CDH8: variants seen among roughly 807,000 people sequenced by gnomAD.
The protein encoded by CDH8 is cadherin 8, also known as cadherin-8.
Under a neutral mutation model 68.1 loss-of-function variants are expected in CDH8, and 17 were observed. The observed-to-expected ratio is 0.25, with a 90% CI of 0.17 to 0.37. The LOEUF (loss-of-function observed/expected upper bound fraction) is 0.37. Ranked by LOEUF, CDH8 falls within the 10% of genes least tolerant of loss-of-function variation. CDH8 has a pLI of 1.00. For missense variants in CDH8, 763 were observed against 999.3 expected (o/e 0.76, Z 3.19); for synonymous variants, 372 against 365.1 (o/e 1.02, Z -0.21).
At chr16:62,028,224 C>T (rs1902241717) in intron 1 of CDH8, among the ~76,000 whole-genome samples, 1 of 151,804 alleles carries the variant, frequency 6.6e-6, no homozygotes, top group Non-Finnish European at 1.5e-5. Flanking sequence ...GCCACAATGC[C>T]CGGCTAATTT....
rs576602218 is a variant in CDH8 at position 61,801,693 on chromosome 16, G to C, written c.1278-12211C>G. On this transcript the variant is annotated intron_variant, in intron 7 of 11. Transcript: ENST00000577390. ...CAGGGAGTTCCCTTTCCGAGTCAAA[G>C]AAAGGGGTGACGGACGCACCTGGAA... 5.0e-3 allele frequency among the ~76,000 whole-genome samples: 754 copies of C among 152,294 alleles called. 4 individuals are homozygous for C. Among genetic ancestry groups the C allele is most frequent in the African/African-American group, 0.017 (727 of 41,576 alleles).
chr16:62,015,277 T>C (rs1325584163), intron 2 of CDH8, among the ~76,000 whole-genome samples: 1 of 152,136 alleles, frequency 6.6e-6, no homozygotes, highest in East Asian at 1.9e-4. Context: ...TTGGCTCCAT[T>C]CTCCAAGATA....
At chr16:61,711,084 G>T (rs111305303) in intron 10 of CDH8, among the ~76,000 whole-genome samples, 87 of 151,826 alleles carry the variant, frequency 5.7e-4, no homozygotes, top group African/African-American at 1.9e-3. Context: ...TATATTGAAG[G>T]TTGCTTTCCT....
At chr16:61,669,248 A>G (rs1224838450) in intron 10 of CDH8, among the ~76,000 whole-genome samples, 3 of 152,026 alleles carry the variant, frequency 2.0e-5, no homozygotes, top group Non-Finnish European at 4.4e-5. Flanking sequence ...TCCATCTTAA[A>G]TTCTTTCAAG....
At chr16:61,995,685 C>T (rs1967270) in intron 2 of CDH8, among the ~76,000 whole-genome samples, 69,402 of 152,136 alleles carry the variant, frequency 0.46, 18,882 homozygotes, top group East Asian at 0.67. Context: ...CCTACTTTTA[C>T]TTTTTATGTG....
chr16:61,884,374 ATT>A (rs60987099), intron 3 of CDH8, among the ~76,000 whole-genome samples: 29 of 140,474 alleles, frequency 2.1e-4, no homozygotes, highest in Admixed American at 3.6e-4. Context: ...CTTTCTTATG[ATT>A]TTTTTTTTTT....
At chr16:61,943,840 G>T (rs778373709) in intron 2 of CDH8, among the ~76,000 whole-genome samples, 10 of 152,134 alleles carry the variant, frequency 6.6e-5, no homozygotes, top group Non-Finnish European at 1.5e-4. Context: ...CACAGAGAAG[G>T]CATCTTTGGA....
chr16:61,842,835 G>A lies in CDH8; in HGVS notation c.667+14284C>T, dbSNP rs1038092897. Among the ~76,000 whole-genome samples the A allele has an allele frequency of 3.9e-5, 6 of 152,056 alleles. No homozygotes were observed. In the South Asian group the frequency reaches 6.2e-4, roughly 16 times the overall value. ...TCAAATTACTGTTGTGCTTATTTTC[G>A]CTCTTACATAAATATTTGCACATGT... is the stretch of plus-strand genomic sequence containing the variant. On this transcript the variant is annotated intron_variant, in intron 4 of 11. Coordinates refer to ENST00000577390, the MANE Select transcript of CDH8 (RefSeq NM_001796.5).
At chr16:61,712,338 C>T (rs1410662723) in intron 10 of CDH8, among the ~76,000 whole-genome samples, 1 of 151,578 alleles carries the variant, frequency 6.6e-6, no homozygotes, top group Non-Finnish European at 1.5e-5. Flanking sequence ...CTTCTAGAGC[C>T]ACACAAGAAG....
intron 1 of CDH8, among the ~76,000 whole-genome samples, chr16:62,035,324 C>G (rs1902429391): frequency 6.6e-6 from 1 of 152,178 alleles, no homozygotes; most frequent in Non-Finnish European, 1.5e-5. Flanking sequence ...AGAGCGGCTA[C>G]GGAGTCCCCG....
At chr16:61,661,526 A>C (rs2142755864) in intron 10 of CDH8, among the ~76,000 whole-genome samples, 1 of 152,078 alleles carries the variant, frequency 6.6e-6, no homozygotes, top group Middle Eastern at 3.4e-3. Flanking sequence ...GGAAATTTAA[A>C]AAAATTATGA....
intron 10 of CDH8, among the ~76,000 whole-genome samples, chr16:61,711,263 C>T (rs1181928570): frequency 6.6e-6 from 1 of 151,738 alleles, no homozygotes; most frequent in Non-Finnish European, 1.5e-5. Context: ...AGAAAAATTA[C>T]AATAATTTTG....
chr16:61,701,117 G>T (rs754600372), intron 10 of CDH8, among the ~76,000 whole-genome samples: 3 of 152,152 alleles, frequency 2.0e-5, no homozygotes, highest in Admixed American at 6.5e-5. Flanking sequence ...AAGACAATGC[G>T]TTGACCTGTT....
rs750036103 is a variant in CDH8 at position 61,981,648 on chromosome 16, ATGTGTGTGTGTGTG to A, written c.252+39490_252+39503del. Among the ~76,000 whole-genome samples the A allele has an allele frequency of 1.2e-4, 18 of 146,830 alleles. No homozygotes were observed. In the East Asian group the frequency reaches 3.3e-3, roughly 27 times the overall value. On this transcript the variant is annotated intron_variant, in intron 2 of 11. Transcript: ENST00000577390. ...TCTTTTGAGCTGAACCTTGAAAAGA[ATGTGTGTGTGTGTG>A]TGTGTGTGTGTGTGTGTGTGCGCGC...
In CDH8 at chr16:61,698,834, C is replaced by T. The variant is rs539724885; in HGVS notation, c.1654+15007G>A. Among the ~76,000 whole-genome samples, 23 of 152,216 alleles carry T rather than the reference C, an allele frequency of 1.5e-4. No homozygotes were observed. In the South Asian group the frequency reaches 3.3e-3, roughly 22 times the overall value. On this transcript the variant is annotated intron_variant, in intron 10 of 11. Coordinates refer to ENST00000577390, the MANE Select transcript of CDH8 (RefSeq NM_001796.5). ...ATCTTTGCTCTTCTAAGGAGGCATA[C>T]GTCACCCATATAACAAAAGCACCTT... is the stretch of plus-strand genomic sequence containing the variant.
At chr16:62,016,413 G>A (rs185038030) in intron 2 of CDH8, among the ~76,000 whole-genome samples, 5 of 152,264 alleles carry the variant, frequency 3.3e-5, no homozygotes, top group Non-Finnish European at 4.4e-5. Flanking sequence ...ATCAATCACC[G>A]TCCTGACTTG....
intron 2 of CDH8, among the ~76,000 whole-genome samples, chr16:61,992,558 T>C (rs919724382): frequency 1.3e-5 from 2 of 151,742 alleles, no homozygotes; most frequent in Non-Finnish European, 2.9e-5. Context: ...AACCTGCACA[T>C]TGTGCACATG....
chr16:61,749,177 T>C (rs144420676), intron 8 of CDH8, among the ~76,000 whole-genome samples: 3 of 152,096 alleles, frequency 2.0e-5, no homozygotes, highest in East Asian at 1.9e-4. Context: ...GATTCAATAG[T>C]TCTAGTTTGG....
At chr16:61,902,253 C>T (rs1963987439) in intron 2 of CDH8, among the ~76,000 whole-genome samples, 1 of 151,990 alleles carries the variant, frequency 6.6e-6, no homozygotes, top group Non-Finnish European at 1.5e-5. Flanking sequence ...TTGGTCATAG[C>T]AATGAATATT....
Sources: gnomAD v4.1 joint callset for allele counts (sites outside exome capture counted in the v4.1 genomes callset) on GRCh38, gnomAD v4.1.1 for gene constraint, MANE v1.5 for transcripts, NCBI Gene and HGNC (gene_info 2026-07-23, HGNC 2026-07-21) for gene names.